The following CMPK1 variants were observed in gnomAD, a reference collection of about 807,000 sequenced individuals.
CMPK1 encodes the protein UMP-CMP kinase.
In CMPK1, 10 loss-of-function variants were observed where a neutral mutation model predicts 25.7. That is an observed-to-expected ratio of 0.39 (90% CI 0.24 to 0.66). The LOEUF is 0.66. CMPK1 is among the 30% of genes least tolerant of loss of function. The pLI is 0.48. For synonymous variants in CMPK1, 106 were observed against 101.5 expected (o/e 1.04, Z -0.27); for missense variants, 199 against 280.5 (o/e 0.71, Z 2.08).
chr1:47,347,436 TG>T (rs933098475), intron 1 of CMPK1, among the ~76,000 whole-genome samples: 2 of 152,146 alleles, frequency 1.3e-5, no homozygotes, highest in African/African-American at 4.8e-5. Flanking sequence ...CTTGAACTCC[TG>T]GCCTCAAGCC....
intron 1 of CMPK1, among the ~76,000 whole-genome samples, chr1:47,358,104 C>CTTTT (rs398039948): frequency 0.029 from 2,296 of 78,706 alleles, 280 homozygotes; most frequent in African/African-American, 0.11. Flanking sequence ...CATAGTAGGT[C>CTTTT]TTTTTTTTTT....
At chr1:47,370,396 T>C (rs1570380225) in intron 2 of CMPK1, among the ~76,000 whole-genome samples, 1 of 150,590 alleles carries the variant, frequency 6.6e-6, no homozygotes, top group Non-Finnish European at 1.5e-5. Flanking sequence ...CCCAGCACTT[T>C]GGGAGGCCGA....
intron 4 of CMPK1, 105 bp downstream of exon 4, chr1:47,375,090 T>C: frequency 1.6e-6 from 2 of 1,263,752 alleles, no homozygotes; most frequent in Non-Finnish European, 2.3e-6. Context: ...TTGTTTAAGA[T>C]GTTAGGTCAA....
intron 1 of CMPK1, among the ~76,000 whole-genome samples, chr1:47,337,864 G>A (rs1449823475): frequency 1.3e-5 from 2 of 152,086 alleles, no homozygotes; most frequent in Non-Finnish European, 2.9e-5. Flanking sequence ...ACCCACCTTG[G>A]CCTCCCAAAG....
chr1:47,343,844 G>A (rs1265418786), intron 1 of CMPK1, among the ~76,000 whole-genome samples: 4 of 148,358 alleles, frequency 2.7e-5, no homozygotes, highest in South Asian at 4.3e-4. Flanking sequence ...CCGAGATCGC[G>A]CCACTGCACT....
chr1:47,359,624 AGT>A (rs1226816741), intron 1 of CMPK1, among the ~76,000 whole-genome samples: 1 of 151,752 alleles, frequency 6.6e-6, no homozygotes, highest in East Asian at 1.9e-4. Flanking sequence ...CCTGACCTCA[AGT>A]GATCCACCCG....
intron 1 of CMPK1, among the ~76,000 whole-genome samples, chr1:47,365,714 T>C (rs1373112569): frequency 2.0e-5 from 3 of 151,908 alleles, no homozygotes; most frequent in Non-Finnish European, 4.4e-5. Context: ...ATTTGCCTAG[T>C]TGTAGTAAAA....
chr1:47,337,947 G>GC (rs1372338524), intron 1 of CMPK1, among the ~76,000 whole-genome samples: 1 of 151,800 alleles, frequency 6.6e-6, no homozygotes, highest in Non-Finnish European at 1.5e-5. Flanking sequence ...GCGGTATGTT[G>GC]TTTTTTTCCT....
At chr1:47,342,958 T>C (rs2149325569) in intron 1 of CMPK1, among the ~76,000 whole-genome samples, 1 of 150,570 alleles carries the variant, frequency 6.6e-6, no homozygotes, top group East Asian at 2.0e-4. Flanking sequence ...ATTCTTTTTT[T>C]AAAGTGAAAT....
At chr1:47,334,470 G>T (rs61782734) in intron 1 of CMPK1, among the ~76,000 whole-genome samples, 5,325 of 152,334 alleles carry the variant, frequency 0.035, 136 homozygotes, top group Non-Finnish European at 0.056. Context: ...GTCGCTGATC[G>T]TGTGGCAGGT....
chr1:47,372,250 G>A (rs181455638), intron 2 of CMPK1, among the ~76,000 whole-genome samples: 51 of 152,126 alleles, frequency 3.4e-4, no homozygotes, highest in African/African-American at 1.2e-3. Flanking sequence ...CAGCCACCAC[G>A]CCCAGCTAAT....
intron 1 of CMPK1, among the ~76,000 whole-genome samples, chr1:47,360,865 G>A (rs982167387): frequency 3.9e-5 from 6 of 152,176 alleles, no homozygotes; most frequent in African/African-American, 1.4e-4. Context: ...ATATCAGTTT[G>A]CATACTGGGG....
Position 47,378,044 on chromosome 1 carries a change from C to T in CMPK1, c.*1299C>T, listed in dbSNP as rs1294700718. The T allele has an allele frequency of 1.3e-5, 2 of 152,022 alleles. No homozygotes were observed. Among genetic ancestry groups the T allele is most frequent in the African/African-American group, 2.4e-5 (1 of 41,388 alleles). 9.4% of individuals were successfully genotyped at this position (152,022 alleles called of 1,614,324 possible). A position where few individuals can be genotyped will look rare whatever the true frequency, so the allele number is the denominator to read the frequency against. The stretch of plus-strand genomic sequence containing the variant: ...TTTTCAGCACTTACATCATTTGGTA[C>T]ACAGGGTCAAATAGGGCAAATAATT... On this transcript the variant is annotated 3_prime_UTR_variant, in exon 6 of 6. Transcript: ENST00000371873.
Position 47,354,939 on chromosome 1 carries a change from A to G in CMPK1, c.172-13530A>G, listed in dbSNP as rs1359506027. ...TTATACTTCTATGAAGTATGAAGAT[A>G]CTGGTTTCTCCATATTCTTACCATT... On this transcript the variant is annotated intron_variant, in intron 1 of 5. Coordinates refer to ENST00000371873, the MANE Select transcript of CMPK1 (RefSeq NM_016308.3). Among the ~76,000 whole-genome samples the G allele has an allele frequency of 9.2e-5, 14 of 152,294 alleles. No individual in the cohort carries two copies. In the South Asian group the frequency reaches 2.9e-3, roughly 32 times the overall value.
chr1:47,339,694 TC>T (rs1646424760), intron 1 of CMPK1, among the ~76,000 whole-genome samples: 1 of 137,758 alleles, frequency 7.3e-6, no homozygotes, highest in Non-Finnish European at 1.6e-5. Context: ...TTTTCTTTCT[TC>T]CTTTCCTTTT....
intron 3 of CMPK1, among the ~76,000 whole-genome samples, chr1:47,374,151 A>G (rs1646693547): frequency 6.6e-6 from 1 of 152,160 alleles, no homozygotes; most frequent in Non-Finnish European, 1.5e-5. Flanking sequence ...GCAACCTCCC[A>G]GGTTCAAGCA....
chr1:47,365,633 C>CAAA lies in CMPK1; in HGVS notation c.172-2821_172-2819dup, dbSNP rs10623948. On this transcript the variant is annotated intron_variant, in intron 1 of 5. Transcript: ENST00000371873. ...TGGGTGACAGAGTGAGACCCTGTCTCAAAAAAAAAAAAAAAAAGTGAGAGA... is the reference window on the plus strand; with the variant it reads ...TGGGTGACAGAGTGAGACCCTGTCTCAAAAAAAAAAAAAAAAAAAAGTGAGAGA... Among the ~76,000 whole-genome samples the CAAA allele has an allele frequency of 4.3e-3, 464 of 108,380 alleles. 18 individuals carry two copies. The highest frequency in any genetic ancestry group is 0.014 in the African/African-American group (358 of 25,860). The allele number at this position is 108,380 out of a possible 152,430, so 71.1% of individuals were successfully genotyped here. A position where few individuals can be genotyped will look rare whatever the true frequency, so the allele number is the denominator to read the frequency against.
chr1:47,336,594 C>T (rs1646400916), intron 1 of CMPK1, among the ~76,000 whole-genome samples: 1 of 152,104 alleles, frequency 6.6e-6, no homozygotes, highest in Non-Finnish European at 1.5e-5. Context: ...ACCATCTTGG[C>T]CCACTCCAAC....
chr1:47,374,827 C>T lies in CMPK1; in HGVS notation c.472-82C>T. ...TATTGCAGGGTTTTTTTGGTCATCTCTTTAAACTCTTGTTTTCTTTGCAGG... is the reference window on the plus strand; with the variant it reads ...TATTGCAGGGTTTTTTTGGTCATCTTTTTAAACTCTTGTTTTCTTTGCAGG... On this transcript the variant is annotated intron_variant, in intron 3 of 5. Coordinates refer to ENST00000371873, the MANE Select transcript of CMPK1 (RefSeq NM_016308.3). 4.7e-6 allele frequency: 5 copies of T among 1,061,544 alleles called. No homozygotes were observed. In the South Asian group the frequency reaches 7.4e-5, roughly 16 times the overall value. The allele number at this position is 1,061,544 out of a possible 1,614,324, so 65.8% of individuals were successfully genotyped here.
Sources: allele counts gnomAD v4.1 joint callset (sites outside exome capture counted in the v4.1 genomes callset), GRCh38; gene constraint gnomAD v4.1.1; transcripts MANE v1.5; gene names NCBI Gene and HGNC (gene_info 2026-07-23, HGNC 2026-07-21).